The following TRMT11 variants were observed in gnomAD, a reference collection of about 807,000 sequenced individuals.
TRMT11 encodes tRNA (guanine(10)-N(2))-methyltransferase TRMT11.
In TRMT11, 53 loss-of-function variants were observed where a neutral mutation model predicts 62.8. The ratio of observed to expected loss-of-function variants is 0.84; its 90% CI spans 0.68 to 1.06. TRMT11 has a LOEUF of 1.06. Ranked by LOEUF, TRMT11 falls within the 50% of genes least tolerant of loss-of-function variation. TRMT11 has a pLI of 0.00. For missense variants in TRMT11, 556 were observed against 553.4 expected (o/e 1.00, Z -0.05); for synonymous variants, 188 against 190.3 (o/e 0.99, Z 0.10).
intron 17 of TRMT11, among the ~76,000 whole-genome samples, chr6:126,081,691 C>G (rs113664888): frequency 2.2e-4 from 34 of 152,174 alleles, no homozygotes; most frequent in African/African-American, 7.2e-4. Context: ...TTTGAGTATA[C>G]TACTCCCACC....
chr6:126,229,870 C>T, the TRMT11 span, among the ~76,000 whole-genome samples: 3 of 151,992 alleles, frequency 2.0e-5, no homozygotes, highest in Admixed American at 6.6e-5. Context: ...GTCTTAAAAG[C>T]GTTGTTTTTT....
chr6:126,160,266 G>A (rs947925465), intron 21 of TRMT11, among the ~76,000 whole-genome samples: 19 of 152,094 alleles, frequency 1.2e-4, no homozygotes, highest in African/African-American at 3.9e-4. Flanking sequence ...ATGCTCTTAG[G>A]GAGACTTATT....
At chr6:126,228,522 C>T in the TRMT11 span, among the ~76,000 whole-genome samples, 3 of 152,154 alleles carry the variant, frequency 2.0e-5, no homozygotes, top group Non-Finnish European at 2.9e-5. Context: ...AAAATTTAAA[C>T]AGCTGTCACT....
At chr6:126,140,638 T>C (rs1391701333) in intron 21 of TRMT11, among the ~76,000 whole-genome samples, 3 of 152,120 alleles carry the variant, frequency 2.0e-5, no homozygotes, top group Non-Finnish European at 4.4e-5. Context: ...CATATAGGTA[T>C]GCTAAAATTT....
At chr6:126,190,226 G>A (rs1778580926) in intron 1 of TRMT11, among the ~76,000 whole-genome samples, 1 of 152,026 alleles carries the variant, frequency 6.6e-6, no homozygotes, top group African/African-American at 2.4e-5. Flanking sequence ...TTCTGATGTG[G>A]TTTGGCTCTG....
At chr6:125,999,951 A>G (rs1406649881) in intron 7 of TRMT11, among the ~76,000 whole-genome samples, 1 of 152,214 alleles carries the variant, frequency 6.6e-6, no homozygotes, top group African/African-American at 2.4e-5. Context: ...TCTTGGTGAA[A>G]GAAAGACTTG....
At chr6:126,063,761 A>G (rs1253533090) in intron 17 of TRMT11, among the ~76,000 whole-genome samples, 1 of 152,214 alleles carries the variant, frequency 6.6e-6, no homozygotes, top group African/African-American at 2.4e-5. Context: ...GACTTTGTAA[A>G]TCACTCTGAG....
At chr6:126,081,630 A>AATGCTTTGT (rs750137499) in intron 17 of TRMT11, among the ~76,000 whole-genome samples, 17 of 152,130 alleles carry the variant, frequency 1.1e-4, no homozygotes, top group Non-Finnish European at 1.8e-4. Context: ...AAAGAGGTAA[A>AATGCTTTGT]ATGCTTTGTA....
intron 8 of TRMT11, among the ~76,000 whole-genome samples, chr6:126,010,599 C>T (rs977830186): frequency 5.3e-5 from 8 of 152,046 alleles, no homozygotes; most frequent in African/African-American, 1.9e-4. Context: ...TGAATGTCCC[C>T]ACTGCGTATC....
At chr6:126,163,270 G>T (rs769411287) in intron 21 of TRMT11, among the ~76,000 whole-genome samples, 1 of 151,556 alleles carries the variant, frequency 6.6e-6, no homozygotes, top group Non-Finnish European at 1.5e-5. Context: ...TAGCGTGAAG[G>T]GGTGTTGAAT....
chr6:126,169,085 C>G (rs908100036), intron 21 of TRMT11, among the ~76,000 whole-genome samples: 1 of 152,194 alleles, frequency 6.6e-6, no homozygotes, highest in Non-Finnish European at 1.5e-5. Flanking sequence ...TCTTCAGTCT[C>G]CTGGAATGCA....
chr6:126,186,225 T>G (rs1159143485), intron 1 of TRMT11, among the ~76,000 whole-genome samples: 3 of 152,198 alleles, frequency 2.0e-5, no homozygotes, highest in African/African-American at 7.2e-5. Context: ...GGGCAGAGCA[T>G]CACTACTTAT....
At chr6:126,129,993 G>C (rs992514835) in intron 21 of TRMT11, among the ~76,000 whole-genome samples, 2 of 151,986 alleles carry the variant, frequency 1.3e-5, no homozygotes, top group African/African-American at 4.8e-5. Flanking sequence ...GGAGACACCT[G>C]GTGCATAGAG....
intron 1 of TRMT11, among the ~76,000 whole-genome samples, chr6:126,194,573 A>G (rs1778642861): frequency 1.3e-5 from 2 of 152,190 alleles, no homozygotes; most frequent in Non-Finnish European, 2.9e-5. Context: ...ACTGCTCTAA[A>G]TGACTTTAAA....
chr6:126,083,097 G>T (rs1338746012), intron 17 of TRMT11, among the ~76,000 whole-genome samples: 1 of 152,106 alleles, frequency 6.6e-6, no homozygotes, highest in Non-Finnish European at 1.5e-5. Context: ...ATGGCTAATG[G>T]GTATATTAAA....
the TRMT11 span, among the ~76,000 whole-genome samples, chr6:126,213,874 GT>G: frequency 2.0e-5 from 3 of 152,022 alleles, no homozygotes; most frequent in African/African-American, 7.2e-5. Flanking sequence ...GATGATACCA[GT>G]TTTGAGTCTG....
At chr6:126,212,009 T>A in the TRMT11 span, among the ~76,000 whole-genome samples, 1 of 152,202 alleles carries the variant, frequency 6.6e-6, no homozygotes, top group Non-Finnish European at 1.5e-5. Flanking sequence ...AACAAATAAG[T>A]GATAGCATGT....
At chr6:126,169,366 G>A (rs1778304086) in intron 21 of TRMT11, among the ~76,000 whole-genome samples, 1 of 152,144 alleles carries the variant, frequency 6.6e-6, no homozygotes, top group South Asian at 2.1e-4. Context: ...AATGGTCAGT[G>A]GAAATATGTA....
At chr6:126,256,144 C>A in the TRMT11 span, among the ~76,000 whole-genome samples, 1 of 152,174 alleles carries the variant, frequency 6.6e-6, no homozygotes, top group Non-Finnish European at 1.5e-5. Flanking sequence ...CAGTTTCTCT[C>A]CATGTGAGTG....
Sources: gnomAD v4.1 joint callset for allele counts (sites outside exome capture counted in the v4.1 genomes callset) on GRCh38, gnomAD v4.1.1 for gene constraint, MANE v1.5 for transcripts, NCBI Gene and HGNC (gene_info 2026-07-23, HGNC 2026-07-21) for gene names.